The following TENM1 variants were observed in gnomAD, a reference collection of about 807,000 sequenced individuals.
The protein encoded by TENM1 is teneurin transmembrane protein 1.
TENM1 carries 35 observed loss-of-function variants against 174.8 expected under a neutral mutation model. The observed-to-expected ratio is 0.20, with a 90% CI of 0.15 to 0.27. TENM1 has a LOEUF of 0.27. Ranked by LOEUF, TENM1 falls within the 10% of genes least tolerant of loss-of-function variation. The pLI is 1.00. For synonymous variants in TENM1, 781 were observed against 798.7 expected, an observed-to-expected ratio of 0.98 and a Z score of 0.37; for missense variants, 1,633 against 2,130.1, an observed-to-expected ratio of 0.77 and a Z score of 4.59.
At chrX:124,581,704 A>AT (rs983122921) in intron 11 of TENM1, among the ~76,000 whole-genome samples, 8 of 77,407 alleles carry the variant, frequency 1.0e-4, no homozygotes, top group South Asian at 6.8e-4. Context: ...AGCATCTGTT[A>AT]TTTTTTTTAA....
At chrX:125,085,020 T>A in the TENM1 span, among the ~76,000 whole-genome samples, 1 of 110,737 alleles carries the variant, frequency 9.0e-6, no homozygotes, top group African/African-American at 3.3e-5. Context: ...ACATGTAATT[T>A]GATGCCTACA....
At chrX:125,154,315 G>T in the TENM1 span, among the ~76,000 whole-genome samples, 1 of 112,098 alleles carries the variant, frequency 8.9e-6, no homozygotes, top group Non-Finnish European at 1.9e-5. Context: ...TCGAAGTCAT[G>T]AGAAAGAGTA....
the TENM1 span, among the ~76,000 whole-genome samples, chrX:125,049,935 TA>T: frequency 1.8e-5 from 2 of 110,169 alleles, no homozygotes. Flanking sequence ...GGTTTGTAAA[TA>T]TTTTTTTCCA....
chrX:124,614,133 A>G (rs1013272359), intron 11 of TENM1, among the ~76,000 whole-genome samples: 1 of 111,749 alleles, frequency 8.9e-6, no homozygotes, highest in African/African-American at 3.3e-5. Flanking sequence ...GGCTGAGTCC[A>G]TGTATATGAA....
the TENM1 span, among the ~76,000 whole-genome samples, chrX:125,011,725 T>C: frequency 9.0e-6 from 1 of 111,728 alleles, no homozygotes; most frequent in African/African-American, 3.3e-5. Context: ...AGGAATGCTT[T>C]TACACTGTTG....
chrX:124,729,963 C>A (rs1258965765), intron 4 of TENM1, among the ~76,000 whole-genome samples: 6 of 111,121 alleles, frequency 5.4e-5, no homozygotes, highest in African/African-American at 2.0e-4. Context: ...CACTCCCCGC[C>A]GGTTCAAGCG....
intron 3 of TENM1, among the ~76,000 whole-genome samples, chrX:124,777,751 T>C (rs1569440306): frequency 1.8e-5 from 2 of 112,522 alleles, no homozygotes; most frequent in African/African-American, 3.2e-5. Flanking sequence ...CTTCCTTGTA[T>C]TGATAAATTT....
chrX:124,653,645 A>G lies in TENM1; in HGVS notation c.1307T>C (p.Leu436Ser), dbSNP rs1371695881. Residue 436 changes from leucine to serine, a missense_variant, in exon 7 of 32, where the codon TTA becomes TCA. By Grantham distance (145) the Leu-to-Ser change is moderately radical. Coordinates refer to ENST00000422452, the Ensembl canonical transcript of TENM1. ...AATTCCCAGCAGAGAGTCCTTGGCT[A>G]AAGAAATATTGAACTTCAGATATAT... 8.3e-7 allele frequency: 1 copy of G among 1,209,105 alleles called. No individual in the cohort carries two copies. The highest frequency in any genetic ancestry group is 1.1e-6 in the Non-Finnish European group (1 of 894,658).
At chrX:124,789,207 G>T (rs998225606) in intron 3 of TENM1, among the ~76,000 whole-genome samples, 1 of 110,688 alleles carries the variant, frequency 9.0e-6, no homozygotes, top group Non-Finnish European at 1.9e-5. Context: ...TGGGATGCAG[G>T]GCACCAAGTT....
chrX:124,571,874 A>G (rs1196005897), intron 11 of TENM1, among the ~76,000 whole-genome samples: 1 of 111,877 alleles, frequency 8.9e-6, no homozygotes, highest in East Asian at 2.8e-4. Flanking sequence ...ACAGGAAAAA[A>G]GGGAAACCAT....
chrX:124,848,151 T>G (rs1020486054), intron 3 of TENM1, among the ~76,000 whole-genome samples: 2 of 111,285 alleles, frequency 1.8e-5, no homozygotes, highest in African/African-American at 3.3e-5. Context: ...TGAGCTATTC[T>G]CATTCTCTCT....
chrX:124,471,874 T>C (rs1334397781), intron 22 of TENM1, among the ~76,000 whole-genome samples: 3 of 104,669 alleles, frequency 2.9e-5, no homozygotes, highest in Non-Finnish European at 5.8e-5. Flanking sequence ...GAACTTTTCA[T>C]TGAATGCTAT....
chrX:124,529,981 C>T lies in TENM1; in HGVS notation c.2654G>A (p.Arg885His), dbSNP rs775890377. 1.1e-5 allele frequency: 13 copies of T among 1,207,073 alleles called. No individual in the cohort carries two copies. Among genetic ancestry groups the T allele is most frequent in the African/African-American group, 8.8e-5 (5 of 57,052 alleles). Residue 885 changes from arginine to histidine, a missense_variant and splice_region_variant, in exon 16 of 32, where the codon CGT (arginine) becomes CAT (histidine). Transcript: ENST00000422452. Reference sequence around the variant, plus strand: ...CACTTGGCCTCGAATCACACAGGCACGCCTGCAACACAAGACCAAAGGCAA... The same window carrying T: ...CACTTGGCCTCGAATCACACAGGCATGCCTGCAACACAAGACCAAAGGCAA...
chrX:124,605,632 G>C (rs1320830750), intron 11 of TENM1, among the ~76,000 whole-genome samples: 1 of 111,265 alleles, frequency 9.0e-6, no homozygotes, highest in Admixed American at 9.6e-5. Flanking sequence ...AATGTCACTT[G>C]TCCAGTAACC....
chrX:125,163,325 T>G, the TENM1 span, among the ~76,000 whole-genome samples: 1 of 110,573 alleles, frequency 9.0e-6, no homozygotes, highest in Non-Finnish European at 1.9e-5. Context: ...CATGACCAGC[T>G]AACTTACTTG....
chrX:125,016,195 A>G, the TENM1 span, among the ~76,000 whole-genome samples: 9 of 111,488 alleles, frequency 8.1e-5, no homozygotes, highest in African/African-American at 1.3e-4. Context: ...TCAACTTAGT[A>G]TTGGAAGTTC....
At position 124,381,186 on chromosome X, in the gene TENM1, C is replaced by T. The variant is rs185277810; in HGVS notation, c.7549G>A (p.Gly2517Arg). 3.8e-4 allele frequency: 461 copies of T among 1,207,961 alleles called. No individual in the cohort carries two copies. The South Asian group carries it at 6.0e-3, about 16-fold the overall frequency. Reference sequence around the variant, plus strand: ...ACAGCAGCAAACCTTGGTTGCTTCCCTCCTTCAAGGCACCGTCCATCATTG... The same window carrying T: ...ACAGCAGCAAACCTTGGTTGCTTCCTTCCTTCAAGGCACCGTCCATCATTG... Residue 2517 changes from glycine (G) to arginine (R), a missense_variant, in exon 32 of 32, where the codon GGG (glycine) becomes AGG (arginine). This residue lies in a region of TENM1 where 807 missense variants were observed against 1,125.3 expected (regional missense o/e 0.72). Transcript: ENST00000422452.
chrX:124,814,375 A>C (rs2055852891), intron 3 of TENM1, among the ~76,000 whole-genome samples: 1 of 111,238 alleles, frequency 9.0e-6, no homozygotes, highest in Admixed American at 9.6e-5. Context: ...AACATGGCTT[A>C]TTCACTTCTT....
At chrX:124,558,469 T>C (rs1490896938) in intron 14 of TENM1, among the ~76,000 whole-genome samples, 1 of 111,519 alleles carries the variant, frequency 9.0e-6, no homozygotes, top group Non-Finnish European at 1.9e-5. Context: ...AACGGTTCAA[T>C]TGGTGCTTTC....
Sources: gnomAD v4.1 joint callset for allele counts (sites outside exome capture counted in the v4.1 genomes callset) on GRCh38, gnomAD v4.1.1 for gene constraint, gnomAD v4.1.1 regional missense constraint, MANE v1.5 for transcripts, NCBI Gene and HGNC (gene_info 2026-07-23, HGNC 2026-07-21) for gene names.